The following DCDC1 variants were observed in gnomAD, a reference collection of about 807,000 sequenced individuals.
DCDC1 encodes the protein doublecortin domain-containing protein 1.
DCDC1 carries 200 observed loss-of-function variants against 178.3 expected under a neutral mutation model. The observed-to-expected ratio is 1.12, with a 90% CI of 1.00 to 1.26. DCDC1 has a LOEUF of 1.26. Among genes scored for constraint, DCDC1 ranks in the 50% most tolerant of loss-of-function variants. The pLI, the probability that DCDC1 is intolerant of heterozygous loss-of-function variation, is 0.00. For missense variants in DCDC1, 1,983 were observed against 1,749.2 expected, an observed-to-expected ratio of 1.13 and a Z score of -2.38; for synonymous variants, 690 against 604.8, an observed-to-expected ratio of 1.14 and a Z score of -2.07.
At chr11:31,230,300 G>A (rs1975600451) in intron 9 of DCDC1, among the ~76,000 whole-genome samples, 1 of 151,486 alleles carries the variant, frequency 6.6e-6, no homozygotes, top group African/African-American at 2.4e-5. Context: ...ATGGGTGAAT[G>A]TAATGCTGTA....
intron 13 of DCDC1, among the ~76,000 whole-genome samples, chr11:31,105,581 G>A (rs1021823878): frequency 1.3e-5 from 2 of 150,298 alleles, no homozygotes; most frequent in Admixed American, 6.7e-5. Flanking sequence ...TACTTACAAC[G>A]TAATTAAATT....
intron 9 of DCDC1, among the ~76,000 whole-genome samples, chr11:31,193,823 C>T (rs966991503): frequency 3.3e-5 from 5 of 152,060 alleles, no homozygotes; most frequent in African/African-American, 1.2e-4. Context: ...TTGATTCTAC[C>T]AAGGTCTTAT....
Position 31,008,485 on chromosome 11 carries a change from C to T in DCDC1, c.2592-55917G>A, listed in dbSNP as rs139391910. 2.9e-3 allele frequency among the ~76,000 whole-genome samples: 437 copies of T among 152,200 alleles called. 6 individuals carry two copies. Among genetic ancestry groups the T allele is most frequent in the African/African-American group, 9.9e-3 (410 of 41,528 alleles). On this transcript the variant is annotated intron_variant, in intron 20 of 38. Coordinates refer to ENST00000684477, the MANE Select transcript of DCDC1 (RefSeq NM_001387274.1). ...TCAGGAGCTCATCTGAAGCACCTGT[C>T]GCAATGCTGAGCCCAGGTTTCAGAG... is the stretch of plus-strand genomic sequence containing the variant.
intron 20 of DCDC1, among the ~76,000 whole-genome samples, chr11:31,063,570 T>C (rs887964949): frequency 6.6e-6 from 1 of 152,120 alleles, no homozygotes; most frequent in Admixed American, 6.5e-5. Flanking sequence ...CATTTCTATC[T>C]ACAGTCCATG....
At chr11:30,990,373 T>G (rs1950908956) in intron 20 of DCDC1, among the ~76,000 whole-genome samples, 1 of 152,148 alleles carries the variant, frequency 6.6e-6, no homozygotes, top group Non-Finnish European at 1.5e-5. Flanking sequence ...TTGAGACATT[T>G]GTAGTGTTAG....
At chr11:31,171,762 T>C (rs1466841320) in intron 9 of DCDC1, among the ~76,000 whole-genome samples, 1 of 152,226 alleles carries the variant, frequency 6.6e-6, no homozygotes, top group Non-Finnish European at 1.5e-5. Context: ...GCCTAATATA[T>C]TGGCAAAGAG....
At chr11:31,050,272 C>T (rs1955154444) in intron 20 of DCDC1, among the ~76,000 whole-genome samples, 1 of 152,076 alleles carries the variant, frequency 6.6e-6, no homozygotes, top group East Asian at 1.9e-4. Context: ...TCAGCAGAGT[C>T]AGCCATAATC....
intron 14 of DCDC1, among the ~76,000 whole-genome samples, chr11:31,103,087 C>T (rs995692205): frequency 2.6e-5 from 4 of 152,122 alleles, no homozygotes; most frequent in African/African-American, 7.2e-5. Flanking sequence ...TGTGCCTGGC[C>T]TATGGTCAAC....
At chr11:31,295,386 G>A (rs1288599295) in intron 6 of DCDC1, among the ~76,000 whole-genome samples, 1 of 152,108 alleles carries the variant, frequency 6.6e-6, no homozygotes, top group East Asian at 1.9e-4. Flanking sequence ...CCCCCCCAAG[G>A]TGCCTTTTAG....
intron 20 of DCDC1, among the ~76,000 whole-genome samples, chr11:30,979,272 G>A (rs1297128560): frequency 6.6e-6 from 1 of 152,194 alleles, no homozygotes; most frequent in South Asian, 2.1e-4. Flanking sequence ...GGAGCAGGAA[G>A]TGAGGAAGCC....
intron 6 of DCDC1, among the ~76,000 whole-genome samples, chr11:31,292,672 T>C (rs1010758614): frequency 6.6e-6 from 1 of 152,042 alleles, no homozygotes; most frequent in Non-Finnish European, 1.5e-5. Context: ...GATGGAAATA[T>C]TTTGGAACTA....
chr11:31,164,010 C>T (rs1433178914), intron 9 of DCDC1, among the ~76,000 whole-genome samples: 1 of 152,058 alleles, frequency 6.6e-6, no homozygotes, highest in African/African-American at 2.4e-5. Flanking sequence ...TTGCTTCTAT[C>T]TGTAAATAAC....
chr11:30,977,915 C>T (rs290095), intron 20 of DCDC1, among the ~76,000 whole-genome samples: 1 of 151,946 alleles, frequency 6.6e-6, no homozygotes. Flanking sequence ...GGGTGACAGA[C>T]CGAGACCCTG....
At chr11:31,275,624 C>T (rs1204292180) in intron 7 of DCDC1, among the ~76,000 whole-genome samples, 2 of 152,096 alleles carry the variant, frequency 1.3e-5, no homozygotes, top group East Asian at 1.9e-4. Context: ...CCTGCCTCAG[C>T]CTCCCGAATA....
intron 18 of DCDC1, among the ~76,000 whole-genome samples, chr11:31,070,230 A>C (rs180891904): frequency 2.6e-4 from 39 of 152,304 alleles, no homozygotes; most frequent in Non-Finnish European, 2.9e-4. Flanking sequence ...CAGTCATCAG[A>C]CCACCAATAC....
intron 20 of DCDC1, among the ~76,000 whole-genome samples, chr11:31,025,879 T>G (rs533665523): frequency 6.6e-6 from 1 of 151,858 alleles, no homozygotes; most frequent in South Asian, 2.1e-4. Flanking sequence ...ATCTGATACA[T>G]GGTGGCATAT....
intron 34 of DCDC1, among the ~76,000 whole-genome samples, chr11:30,896,138 A>G (rs994449155): frequency 3.9e-5 from 6 of 152,260 alleles, no homozygotes; most frequent in African/African-American, 1.2e-4. Context: ...GGTTTTTATG[A>G]TAAACTATTA....
intron 21 of DCDC1, among the ~76,000 whole-genome samples, chr11:30,941,824 C>T (rs1947664792): frequency 6.6e-6 from 1 of 152,060 alleles, no homozygotes; most frequent in Non-Finnish European, 1.5e-5. Context: ...GAGATGAGTG[C>T]ATAAATACCA....
intron 37 of DCDC1, among the ~76,000 whole-genome samples, chr11:30,880,268 G>C (rs1942535816): frequency 6.6e-6 from 1 of 152,152 alleles, no homozygotes. Context: ...CATCCATAAT[G>C]TAGGATGGTG....
Sources: allele counts gnomAD v4.1 joint callset (sites outside exome capture counted in the v4.1 genomes callset), GRCh38; gene constraint gnomAD v4.1.1; transcripts MANE v1.5; gene names NCBI Gene and HGNC (gene_info 2026-07-23, HGNC 2026-07-21).